Variants in RFX4 observed in about 807,000 individuals in gnomAD.
RFX4 encodes the protein regulatory factor X4.
A neutral mutation model predicts 95.0 loss-of-function variants in RFX4; 10 were observed. That is an observed-to-expected ratio of 0.11 (90% CI 0.06 to 0.18). RFX4 has a LOEUF of 0.18. Among genes scored for constraint, RFX4 ranks in the 10% least tolerant of loss-of-function variants. The pLI, the probability that RFX4 is intolerant of heterozygous loss-of-function variation, is 1.00. For synonymous variants in RFX4, 321 were observed against 340.7 expected (o/e 0.94, Z 0.64); for missense variants, 640 against 922.0 (o/e 0.69, Z 3.96).
At chr12:106,719,248 T>C (rs945287884) in intron 11 of RFX4, among the ~76,000 whole-genome samples, 8 of 152,202 alleles carry the variant, frequency 5.3e-5, no homozygotes, top group African/African-American at 9.7e-5. Flanking sequence ...AGAGACTGGT[T>C]CACTTACTCA....
At chr12:106,748,998 T>C (rs532467487) in intron 16 of RFX4, among the ~76,000 whole-genome samples, 2 of 151,718 alleles carry the variant, frequency 1.3e-5, no homozygotes, top group Non-Finnish European at 2.9e-5. Context: ...GGCAGGAGAA[T>C]TGCTTGAACC....
chr12:106,685,315 G>A (rs1353745642), intron 5 of RFX4, among the ~76,000 whole-genome samples: 1 of 152,118 alleles, frequency 6.6e-6, no homozygotes, highest in East Asian at 1.9e-4. Context: ...CACTGGCTTA[G>A]TGGTTCAAAG....
chr12:106,646,161 C>G (rs1311411278), intron 3 of RFX4, among the ~76,000 whole-genome samples: 1 of 152,152 alleles, frequency 6.6e-6, no homozygotes, highest in East Asian at 1.9e-4. Flanking sequence ...CACTCCCACA[C>G]AGGTGTGTAA....
chr12:106,709,288 G>T, intron 8 of RFX4, 42 bp from the exon 9 acceptor site: 1 of 1,526,756 alleles, frequency 6.5e-7, no homozygotes, highest in Non-Finnish European at 9.0e-7. Context: ...GAGGAGCTAA[G>T]CAACATGTGC....
At chr12:106,631,166 T>G (rs1365003313) in intron 2 of RFX4, among the ~76,000 whole-genome samples, 1 of 152,210 alleles carries the variant, frequency 6.6e-6, no homozygotes, top group African/African-American at 2.4e-5. Flanking sequence ...TGCCATACCA[T>G]GAAGAGCTTT....
At chr12:106,618,164 T>C (rs1056213440) in intron 2 of RFX4, among the ~76,000 whole-genome samples, 4 of 152,004 alleles carry the variant, frequency 2.6e-5, no homozygotes, top group East Asian at 3.9e-4. Flanking sequence ...ATAACAGTTA[T>C]GTGATTAACA....
At chr12:106,742,001 T>C (rs2137591470) in intron 15 of RFX4, among the ~76,000 whole-genome samples, 1 of 152,250 alleles carries the variant, frequency 6.6e-6, no homozygotes, top group South Asian at 2.1e-4. Context: ...ACTCACCTCT[T>C]GTGCGGCCCA....
In RFX4 at chr12:106,691,058, T is replaced by A. The variant is rs112150144; in HGVS notation, c.669+1694T>A. Among the ~76,000 whole-genome samples, 1,210 of 152,254 alleles carry A rather than the reference T, an allele frequency of 7.9e-3. 23 individuals carry two copies. Among genetic ancestry groups the A allele is most frequent in the African/African-American group, 0.028 (1,153 of 41,546 alleles). On this transcript the variant is annotated intron_variant, in intron 7 of 17. Coordinates refer to ENST00000392842, the MANE Select transcript of RFX4 (RefSeq NM_213594.3). ...TAACCAGCAACTAGGATGCAGAATATATGGTGAGAGGTCCAGAAACATTGA... is the reference window on the plus strand; with the variant it reads ...TAACCAGCAACTAGGATGCAGAATAAATGGTGAGAGGTCCAGAAACATTGA...
At chr12:106,644,637 G>A (rs924884236) in intron 3 of RFX4, among the ~76,000 whole-genome samples, 1 of 152,070 alleles carries the variant, frequency 6.6e-6, no homozygotes, top group African/African-American at 2.4e-5. Flanking sequence ...TGGACACCGT[G>A]GGAGTGTTTC....
chr12:106,750,920 C>A (rs946787031), intron 17 of RFX4, 127 bp downstream of exon 17: 4 of 613,542 alleles, frequency 6.5e-6, no homozygotes, highest in Non-Finnish European at 7.0e-6. Flanking sequence ...AGAGGACAGT[C>A]TTTATTTATT....
At chr12:106,645,851 A>G (rs2040733439) in intron 3 of RFX4, 7 of 1,242,446 alleles carry the variant, frequency 5.6e-6, no homozygotes, top group Non-Finnish European at 7.4e-6. Context: ...GAACACTTTT[A>G]GCTCTGAACA....
chr12:106,595,262 T>C (rs1035768), intron 1 of RFX4, among the ~76,000 whole-genome samples: 136,282 of 152,244 alleles, frequency 0.9, 61,124 homozygotes, highest in East Asian at 0.96. Flanking sequence ...CAAAGCCAGG[T>C]TGCCTCCTTG....
intron 15 of RFX4, 74 bp downstream of exon 15, chr12:106,733,159 T>C (rs746354018): frequency 6.7e-6 from 10 of 1,485,222 alleles, no homozygotes; most frequent in East Asian, 4.6e-5. Flanking sequence ...CTGGGCAACA[T>C]AGTGAGACTT....
Position 106,684,774 on chromosome 12 carries a change from C to G in RFX4, c.378-2110C>G. ...CACGGAAGGCACAGAAGGCAGACTT[C>G]GCTCAGCACAAAGAATTTTCTGATA... On this transcript the variant is annotated intron_variant, in intron 5 of 17. Coordinates refer to ENST00000392842, the MANE Select transcript of RFX4 (RefSeq NM_213594.3). 2.7e-6 allele frequency: 4 copies of G among 1,491,924 alleles called. No individual in the cohort carries two copies. The South Asian group carries it at 4.9e-5, about 18-fold the overall frequency. 92.4% of individuals were successfully genotyped at this position (1,491,924 alleles called of 1,614,324 possible).
At chr12:106,685,621 T>C (rs2137413411) in intron 5 of RFX4, among the ~76,000 whole-genome samples, 2 of 152,164 alleles carry the variant, frequency 1.3e-5, no homozygotes, top group East Asian at 3.9e-4. Flanking sequence ...GGCCCAGGAG[T>C]CTGTATTTTT....
intron 17 of RFX4, among the ~76,000 whole-genome samples, chr12:106,753,210 G>T (rs61943298): frequency 1.3e-5 from 2 of 151,940 alleles, no homozygotes; most frequent in African/African-American, 4.8e-5. Flanking sequence ...CTCCCTCCCC[G>T]CAGCCATGCC....
chr12:106,733,344 G>A (rs1267741448), intron 15 of RFX4: 1 of 339,940 alleles, frequency 2.9e-6, no homozygotes, highest in African/African-American at 2.1e-5. Flanking sequence ...GGGCTTTCTG[G>A]AAAAACATTC....
chr12:106,739,148 A>AAAGAAAGAAAGAAAGAAAGG (rs2042763431), intron 15 of RFX4, among the ~76,000 whole-genome samples: 1 of 152,072 alleles, frequency 6.6e-6, no homozygotes, highest in Admixed American at 6.6e-5. Context: ...AGAAAGAAAG[A>AAAGAAAGAAAGAAAGAAAGG]AAGAAAAGGT....
chr12:106,709,232 A>T, intron 8 of RFX4, 98 bp from the exon 9 acceptor site: 1 of 908,812 alleles, frequency 1.1e-6, no homozygotes, highest in Non-Finnish European at 1.7e-6. Context: ...TATTGGTAGC[A>T]GCCAAAACAT....
Sources: gnomAD v4.1 joint callset for allele counts (sites outside exome capture counted in the v4.1 genomes callset) on GRCh38, gnomAD v4.1.1 for gene constraint, MANE v1.5 for transcripts, NCBI Gene and HGNC (gene_info 2026-07-23, HGNC 2026-07-21) for gene names.